NOTCH1: variants seen among roughly 807,000 people sequenced by gnomAD.
NOTCH1 encodes notch receptor 1.
In NOTCH1, 37 loss-of-function variants were observed where a neutral mutation model predicts 254.8. The observed-to-expected ratio is 0.15, with a 90% CI of 0.11 to 0.19. The LOEUF is 0.19. Ranked by LOEUF, NOTCH1 falls within the 10% of genes least tolerant of loss-of-function variation. NOTCH1 has a pLI of 1.00. For missense variants in NOTCH1, 2,972 were observed against 3,708.6 expected (o/e 0.80, Z 5.16); for synonymous variants, 1,731 against 1,618.1 (o/e 1.07, Z -1.68).
chr9:136,504,108 G>A (rs1302706954), intron 26 of NOTCH1, among the ~76,000 whole-genome samples: 4 of 152,174 alleles, frequency 2.6e-5, no homozygotes, highest in Admixed American at 2.0e-4. Context: ...CCAGGCAGAC[G>A]CCATGACCAA....
intron 28 of NOTCH1, 75 bp downstream of exon 28, chr9:136,502,197 A>G: frequency 8.4e-7 from 1 of 1,195,774 alleles, no homozygotes; most frequent in Non-Finnish European, 1.2e-6. Context: ...CGGGAGGGGC[A>G]GACTCCCGGT....
In NOTCH1 at chr9:136,496,966, A is replaced by G. The variant is rs772519230; in HGVS notation, c.6773T>C (p.Leu2258Pro). 1 of 1,610,762 alleles carries G rather than the reference A, an allele frequency of 6.2e-7. No homozygotes were observed. Among genetic ancestry groups the G allele is most frequent in the South Asian group, 1.1e-5 (1 of 90,948 alleles). Residue 2258 changes from leucine to proline, a missense_variant, in exon 34 of 34, where the codon CTG (leucine) becomes CCG (proline). Transcript: ENST00000651671. ...AAAGGCCAGCCGGCCGCCCCCACCCAGCGCCGCCATCTCGGGCTTGGCCGC... is the reference window on the plus strand; with the variant it reads ...AAAGGCCAGCCGGCCGCCCCCACCCGGCGCCGCCATCTCGGGCTTGGCCGC... ...NVAAKPEMAA[L>P]GGGGRLAFET... is the part of the protein sequence containing the mutation.
At chr9:136,520,300 C>T (rs1443121631) in intron 4 of NOTCH1, among the ~76,000 whole-genome samples, 1 of 152,158 alleles carries the variant, frequency 6.6e-6, no homozygotes, top group Non-Finnish European at 1.5e-5. Context: ...TTGGAGCTCC[C>T]ACCTGCTCGG....
In NOTCH1 at chr9:136,540,522, C is replaced by T. The variant is rs1192645508; in HGVS notation, c.140+3502G>A. 4.6e-5 allele frequency among the ~76,000 whole-genome samples: 7 copies of T among 152,194 alleles called. No homozygotes were observed. The highest frequency in any genetic ancestry group is 3.8e-4 in the East Asian group (2 of 5,202). On this transcript the variant is annotated intron_variant, in intron 2 of 33. Coordinates refer to ENST00000651671, the MANE Select transcript of NOTCH1 (RefSeq NM_017617.5). This position sits in a 1 kb window ranked among gnomAD's most constrained non-coding sequence, Gnocchi z 4.4. ...TCTGGAAACCAGCACTGTCAGCCAA[C>T]GGGGAGAAGGCGGGGAAGAAAGGAG...
chr9:136,527,042 G>T (rs1052943232), intron 2 of NOTCH1, among the ~76,000 whole-genome samples: 10 of 152,220 alleles, frequency 6.6e-5, no homozygotes, highest in Non-Finnish European at 1.5e-4. Flanking sequence ...CGCGCTAGCT[G>T]GGGGGAACCG....
chr9:136,509,815 A>G lies in NOTCH1; in HGVS notation c.2887T>C (p.Cys963Arg), dbSNP rs768849474. ...CAGGTGCACGTGTAGCTGTCCACGCAGTCCGTGCAGTTGGCCCCGTTGCGG... is the reference window on the plus strand; with the variant it reads ...CAGGTGCACGTGTAGCTGTCCACGCGGTCCGTGCAGTTGGCCCCGTTGCGG... ...PCRNGANCTD[C>R]VDSYTCTCPA... The change falls in exon 18 of 34, where the codon TGC becomes CGC. Residue 963 changes from cysteine to arginine, a missense_variant. By Grantham distance (180) the Cys-to-Arg change is radical. This residue lies in a region of NOTCH1 where 1,343 missense variants were observed against 1,557.0 expected (regional missense o/e 0.86). Coordinates refer to ENST00000651671, the MANE Select transcript of NOTCH1 (RefSeq NM_017617.5). 1 of 1,613,178 alleles carries G rather than the reference A, an allele frequency of 6.2e-7. No individual in the cohort carries two copies. The highest frequency in any genetic ancestry group is 1.1e-5 in the South Asian group (1 of 91,090).
chr9:136,540,127 G>A lies in NOTCH1; in HGVS notation c.140+3897C>T, dbSNP rs938124929. Among the ~76,000 whole-genome samples, 30 of 152,268 alleles carry A rather than the reference G, an allele frequency of 2.0e-4. No homozygotes were observed. The highest frequency in any genetic ancestry group is 7.0e-4 in the African/African-American group (29 of 41,536). On this transcript the variant is annotated intron_variant, in intron 2 of 33. Coordinates refer to ENST00000651671, the MANE Select transcript of NOTCH1 (RefSeq NM_017617.5). The surrounding 1 kb of genome is among the most constrained non-coding windows in gnomAD (Gnocchi z 4.4). ...GGTGCCTGATCCAGACAGCTTTACG[G>A]GGCTGCCGGGAGCTATGCCAGGCCA...
rs760162406 is a variant in NOTCH1 at position 136,523,052 on chromosome 9, G to A, written c.540C>T (p.Asn180=). ...AAAGCCCGGGCTTCTGGCCACACTC[G>A]TTGACATCCTGCCGGCAGGTGGGGC... ...FHGPTCRQDV[N]ECGQKPGLCR... Residue 180 remains asparagine (N), a synonymous_variant, in exon 4 of 34, where the codon AAC becomes AAT. Transcript: ENST00000651671. The A allele has an allele frequency of 2.7e-5, 42 of 1,566,446 alleles. 1 individual carries two copies. In the South Asian group the frequency reaches 3.7e-4, roughly 14 times the overall value.
Position 136,502,068 on chromosome 9 carries a change from T to C in NOTCH1, c.5405A>G (p.Asp1802Gly), listed in dbSNP as rs1170030030. The C allele has an allele frequency of 6.2e-7, 1 of 1,613,270 alleles. No individual in the cohort carries two copies. Among genetic ancestry groups the C allele is most frequent in the South Asian group, 1.1e-5 (1 of 91,078 alleles). ...CTGGTTGTCGTCCATGAGGGCACCGTCTGAAGCGTTCTTCAGGGGCCTGGG... is the reference window on the plus strand; with the variant it reads ...CTGGTTGTCGTCCATGAGGGCACCGCCTGAAGCGTTCTTCAGGGGCCTGGG... ...VGLKPLKNAS[D>G]GALMDDNQNE... The change falls in exon 29 of 34, where the codon GAC becomes GGC. Residue 1802 changes from aspartate to glycine, a missense_variant. Transcript: ENST00000651671.
chr9:136,509,675 A>C, intron 18 of NOTCH1, 58 bp downstream of exon 18: 1 of 1,511,336 alleles, frequency 6.6e-7, no homozygotes, highest in Non-Finnish European at 9.2e-7. Flanking sequence ...GCTGCCAGCT[A>C]CTGCGTGTGG....
rs769784635 is a variant in NOTCH1 at position 136,544,085 on chromosome 9, G to T, written c.79C>A (p.Pro27Thr). 45 of 1,578,542 alleles carry T rather than the reference G, an allele frequency of 2.9e-5. No homozygotes were observed. The highest frequency in any genetic ancestry group is 2.2e-4 in the Middle Eastern group (1 of 4,596). The change falls in exon 2 of 34, where the codon CCC becomes ACC. Residue 27 changes from proline to threonine, a missense_variant. Physicochemically the swap from Pro to Thr is conservative, Grantham distance 38. Transcript: ENST00000651671. ...CCGCCATTCAGGCAGGTCTCACCGG[G>T]CTGGGAGCATCGCGGGCCTAGGCAG... is the stretch of plus-strand genomic sequence containing the variant. ...LAARGPRCSQ[P>T]GETCLNGGKC...
intron 4 of NOTCH1, chr9:136,522,507 TC>T: frequency 9.5e-6 from 3 of 316,388 alleles, no homozygotes; most frequent in Admixed American, 9.4e-5. Context: ...CCACGCCCTC[TC>T]CGGCCCCAGC....
chr9:136,532,498 G>A (rs1203357085), intron 2 of NOTCH1, among the ~76,000 whole-genome samples: 1 of 152,094 alleles, frequency 6.6e-6, no homozygotes, highest in Non-Finnish European at 1.5e-5. Flanking sequence ...CTTCCTGGAG[G>A]GGCCCCCACA....
intron 2 of NOTCH1, among the ~76,000 whole-genome samples, chr9:136,538,491 G>A (rs112043603): frequency 2.3e-4 from 35 of 152,356 alleles, no homozygotes; most frequent in African/African-American, 7.7e-4. Flanking sequence ...CAGCCCCTCG[G>A]AGCTCCGGGC....
chr9:136,538,441 A>T (rs1243833590), intron 2 of NOTCH1, among the ~76,000 whole-genome samples: 1 of 152,228 alleles, frequency 6.6e-6, no homozygotes, highest in Non-Finnish European at 1.5e-5. Context: ...GGGAGGGGAC[A>T]GTGTGGGGAG....
rs2133337376 is a variant in NOTCH1 at position 136,504,997 on chromosome 9, A to G, written c.4694T>C (p.Val1565Ala). Reference sequence around the variant, plus strand: ...CGTGCCGGCCGCCAGCCTCTCGGGTACATGCTCCGCACAGTCCAGCCCGTC... The same window carrying G: ...CGTGCCGGCCGCCAGCCTCTCGGGTGCATGCTCCGCACAGTCCAGCCCGTC... ...EWDGLDCAEH[V>A]PERLAAGTLV... The change falls in exon 26 of 34, where the codon GTA becomes GCA. Residue 1565 changes from valine to alanine, a missense_variant. Transcript: ENST00000651671. 1 of 1,600,392 alleles carries G rather than the reference A, an allele frequency of 6.2e-7. No homozygotes were observed. Among genetic ancestry groups the G allele is most frequent in the Non-Finnish European group, 8.5e-7 (1 of 1,174,624 alleles).
intron 31 of NOTCH1, among the ~76,000 whole-genome samples, chr9:136,499,800 A>G (rs767679189): frequency 5.9e-5 from 9 of 152,208 alleles, no homozygotes; most frequent in Non-Finnish European, 1.0e-4. Flanking sequence ...GAACTTCCAC[A>G]TCTGTGCAAA....
intron 2 of NOTCH1, 35 bp downstream of exon 2, chr9:136,543,989 G>A (rs191566757): frequency 2.6e-6 from 4 of 1,545,442 alleles, no homozygotes; most frequent in Admixed American, 1.9e-5. Context: ...CTCTGCCCTC[G>A]ACAAAGCAAC....
rs1321221009 is a variant in NOTCH1 at position 136,516,155 on chromosome 9, C to A, written c.1556-61G>T. On this transcript the variant is annotated intron_variant, in intron 9 of 33. Coordinates refer to ENST00000651671, the MANE Select transcript of NOTCH1 (RefSeq NM_017617.5). ...CAACAGCACTATGGCCCTTCAGGGA[C>A]CCCTGGCCAGACCCCAGCAGTGAGC... is the stretch of plus-strand genomic sequence containing the variant. The A allele has an allele frequency of 9.9e-6, 13 of 1,314,018 alleles. No individual in the cohort carries two copies. The South Asian group carries it at 1.4e-4, about 14-fold the overall frequency. 81.4% of individuals were successfully genotyped at this position (1,314,018 alleles called of 1,614,324 possible).
Sources: gnomAD v4.1 joint callset for allele counts (sites outside exome capture counted in the v4.1 genomes callset) on GRCh38, gnomAD v4.1.1 for gene constraint, gnomAD v4.1.1 regional missense constraint, Gnocchi (gnomAD v3.1) non-coding constraint, MANE v1.5 for transcripts, NCBI Gene and HGNC (gene_info 2026-07-23, HGNC 2026-07-21) for gene names.